APP: variants seen among roughly 807,000 people sequenced by gnomAD.
APP encodes the protein amyloid beta precursor protein.
In APP, 31 loss-of-function variants were observed where a neutral mutation model predicts 101.4. The ratio of observed to expected loss-of-function variants is 0.31; its 90% CI spans 0.23 to 0.41. The LOEUF (loss-of-function observed/expected upper bound fraction) is 0.41, where lower values mean the gene tolerates loss of function less well. Ranked by LOEUF, APP falls within the 10% of genes least tolerant of loss-of-function variation. The probability of loss-of-function intolerance (pLI) is 1.00; values close to 1 mark genes in which losing one functional copy is unlikely to be tolerated. For missense variants in APP, 839 were observed against 1,003.7 expected (o/e 0.84, Z 2.22); for synonymous variants, 366 against 364.4 (o/e 1.00, Z -0.05).
intron 1 of APP, among the ~76,000 whole-genome samples, chr21:26,161,636 A>C (rs907129790): frequency 3.3e-5 from 5 of 152,216 alleles, no homozygotes; most frequent in Non-Finnish European, 4.4e-5. Flanking sequence ...AGTATCTATG[A>C]TTAATTATTC....
intron 1 of APP, among the ~76,000 whole-genome samples, 172 bp downstream of exon 1, chr21:26,170,392 G>C (rs2063719637): frequency 6.6e-6 from 1 of 152,182 alleles, no homozygotes; most frequent in African/African-American, 2.4e-5. Context: ...CCTGGGGCAG[G>C]GCTGGGCCGA....
chr21:26,074,609 G>A (rs1420433319), intron 3 of APP, among the ~76,000 whole-genome samples: 1 of 152,154 alleles, frequency 6.6e-6, no homozygotes, highest in Non-Finnish European at 1.5e-5. Flanking sequence ...AAATTAGCCA[G>A]GCATGATGGC....
intron 2 of APP, among the ~76,000 whole-genome samples, chr21:26,101,095 CTTTTTTTTTT>C (rs35407047): frequency 1.3e-5 from 1 of 79,352 alleles, no homozygotes; most frequent in African/African-American, 4.9e-5. Flanking sequence ...TTTTTTTTTC[CTTTTTTTTTT>C]TTTTTTTTTT....
intron 5 of APP, among the ~76,000 whole-genome samples, chr21:26,041,070 T>C (rs966193335): frequency 6.6e-6 from 1 of 152,228 alleles, no homozygotes; most frequent in Non-Finnish European, 1.5e-5. Flanking sequence ...AGTTTGAACA[T>C]CTCTAAATTA....
intron 1 of APP, 70 bp from the exon 2 acceptor site, chr21:26,112,216 G>C: frequency 6.6e-7 from 1 of 1,508,886 alleles, no homozygotes; most frequent in Non-Finnish European, 9.2e-7. Flanking sequence ...GAAGAACAGG[G>C]ATAACTATCA....
rs1380338585 is a variant in APP, at chr21:26,154,337, G to A, written c.57+16227C>T. Among the ~76,000 whole-genome samples the A allele has an allele frequency of 3.9e-5, 6 of 152,242 alleles. No individual in the cohort carries two copies. In the East Asian group the frequency reaches 1.2e-3, roughly 29 times the overall value. Reference sequence around the variant, plus strand: ...GTCCATCTCTCCCCTTCCTTTTAGTGGGCATCTGACATTTCAGGGTTCAGA... The same window carrying A: ...GTCCATCTCTCCCCTTCCTTTTAGTAGGCATCTGACATTTCAGGGTTCAGA... On this transcript the variant is annotated intron_variant, in intron 1 of 17. Transcript: ENST00000346798.
intron 13 of APP, among the ~76,000 whole-genome samples, chr21:25,921,430 T>C (rs541626024): frequency 6.1e-5 from 9 of 146,466 alleles, no homozygotes; most frequent in South Asian, 2.2e-4. Flanking sequence ...AAAAAATCAA[T>C]GAATCCAGGA....
chr21:26,116,556 T>C (rs1477597357), intron 1 of APP, among the ~76,000 whole-genome samples: 1 of 152,180 alleles, frequency 6.6e-6, no homozygotes, highest in African/African-American at 2.4e-5. Context: ...AAAGTTTCTC[T>C]CTGTTATCAT....
chr21:25,881,661 G>GGC lies in APP; in HGVS notation c.*7_*8dup. ...GCTGTCCAACTTCAGAGGCTGCTGT[G>GGC]GCGGGGGTCTAGTTCTGCATCTGCT... On this transcript the variant is annotated 3_prime_UTR_variant, in exon 18 of 18. Coordinates refer to ENST00000346798, the MANE Select transcript of APP (RefSeq NM_000484.4). 6.2e-7 allele frequency: 1 copy of GGC among 1,613,022 alleles called. No homozygotes were observed. The highest frequency in any genetic ancestry group is 8.5e-7 in the Non-Finnish European group (1 of 1,179,156).
In APP at chr21:26,102,904, A is replaced by G. The variant is rs1601466400; in HGVS notation, c.225+9075T>C. Reference sequence around the variant, plus strand: ...GACTCTGTCTCAAAAAAAAAAAAAAAAAAAAAAAAAAGATGAATAATTGAC... The same window carrying G: ...GACTCTGTCTCAAAAAAAAAAAAAAGAAAAAAAAAAAGATGAATAATTGAC... On this transcript the variant is annotated intron_variant, in intron 2 of 17. Transcript: ENST00000346798. Among the ~76,000 whole-genome samples the G allele has an allele frequency of 3.3e-5, 5 of 151,614 alleles. 1 individual carries two copies. The highest frequency in any genetic ancestry group is 1.9e-4 in the East Asian group (1 of 5,156).
chr21:26,126,590 T>A (rs1465224499), intron 1 of APP, among the ~76,000 whole-genome samples: 1 of 152,066 alleles, frequency 6.6e-6, no homozygotes, highest in Non-Finnish European at 1.5e-5. Context: ...AGGTTCAAAG[T>A]TCTTGGCAAA....
At chr21:25,928,868 C>G (rs969338507) in intron 13 of APP, 2 of 151,260 alleles carry the variant, frequency 1.3e-5, no homozygotes, top group African/African-American at 4.9e-5. Flanking sequence ...ATTACAGGCG[C>G]GCATCACTAC....
chr21:25,949,008 TAA>T (rs1200107211), intron 13 of APP, among the ~76,000 whole-genome samples: 2 of 152,200 alleles, frequency 1.3e-5, no homozygotes, highest in Admixed American at 1.3e-4. Context: ...CATAGTGATT[TAA>T]AAGAGGAGAT....
intron 13 of APP, among the ~76,000 whole-genome samples, chr21:25,928,200 G>A (rs910965840): frequency 0.15 from 16 of 106 alleles, no homozygotes; most frequent in East Asian, 0.3. Flanking sequence ...AAAATTAGCC[G>A]GGCATGGTGC....
chr21:25,889,695 GC>G (rs2037560902), intron 17 of APP, among the ~76,000 whole-genome samples: 1 of 152,112 alleles, frequency 6.6e-6, no homozygotes. Context: ...ACAAAAATTA[GC>G]CAGGCGTGGT....
intron 13 of APP, among the ~76,000 whole-genome samples, chr21:25,927,866 C>T (rs1246993269): frequency 2.6e-5 from 4 of 152,192 alleles, no homozygotes; most frequent in Non-Finnish European, 5.9e-5. Flanking sequence ...CTTAGACCTA[C>T]CAGTGGCATC....
At chr21:25,899,676 C>A (rs961450572) in intron 15 of APP, among the ~76,000 whole-genome samples, 8 of 152,234 alleles carry the variant, frequency 5.3e-5, no homozygotes, top group African/African-American at 1.9e-4. Flanking sequence ...ACTGCAACCA[C>A]ATGACGGACA....
At chr21:25,980,990 G>T (rs2042410124) in intron 9 of APP, among the ~76,000 whole-genome samples, 1 of 152,184 alleles carries the variant, frequency 6.6e-6, no homozygotes, top group Admixed American at 6.5e-5. Context: ...TCAAATAATG[G>T]TGATGGGGCA....
At chr21:26,077,042 GAC>G (rs1452807051) in intron 3 of APP, among the ~76,000 whole-genome samples, 2 of 144,562 alleles carry the variant, frequency 1.4e-5, no homozygotes, top group Non-Finnish European at 3.0e-5. Context: ...CAGCCTGGGC[GAC>G]AGAGTGAGAC....
Sources: gnomAD v4.1 joint callset for allele counts (sites outside exome capture counted in the v4.1 genomes callset) on GRCh38, gnomAD v4.1.1 for gene constraint, MANE v1.5 for transcripts, NCBI Gene and HGNC (gene_info 2026-07-23, HGNC 2026-07-21) for gene names.